ATRNL1: variants seen among roughly 807,000 people sequenced by gnomAD.
ATRNL1 encodes the protein attractin-like protein 1.
Under a neutral mutation model 182.7 loss-of-function variants are expected in ATRNL1, and 95 were observed. The ratio of observed to expected loss-of-function variants is 0.52; its 90% CI spans 0.44 to 0.62. The LOEUF (loss-of-function observed/expected upper bound fraction) is 0.62, where lower values mean the gene tolerates loss of function less well. ATRNL1 is among the 20% of genes least tolerant of loss of function. The pLI, the probability that ATRNL1 is intolerant of heterozygous loss-of-function variation, is 0.00. For synonymous variants in ATRNL1, 576 were observed against 568.3 expected, an observed-to-expected ratio of 1.01 and a Z score of -0.19; for missense variants, 1,471 against 1,679.5, an observed-to-expected ratio of 0.88 and a Z score of 2.17.
chr10:115,423,574 T>TA (rs1845742957), intron 20 of ATRNL1, among the ~76,000 whole-genome samples: 1 of 151,966 alleles, frequency 6.6e-6, no homozygotes, highest in South Asian at 2.1e-4. Context: ...GTTAAAAATT[T>TA]AAAAAGACAC....
chr10:115,738,171 C>T (rs7923360), intron 27 of ATRNL1, among the ~76,000 whole-genome samples: 36,639 of 90,518 alleles, frequency 0.4, 7,539 homozygotes, highest in East Asian at 0.68. Context: ...TGGAGTCCTG[C>T]TCTGTCGCCC....
chr10:115,189,232 A>G (rs1554889367), intron 8 of ATRNL1, among the ~76,000 whole-genome samples: 1 of 152,190 alleles, frequency 6.6e-6, no homozygotes, highest in East Asian at 1.9e-4. Flanking sequence ...AGTATGGCAC[A>G]TACAATTATA....
chr10:115,895,152 A>G (rs1234714097), intron 28 of ATRNL1, among the ~76,000 whole-genome samples: 1 of 152,212 alleles, frequency 6.6e-6, no homozygotes, highest in Non-Finnish European at 1.5e-5. Flanking sequence ...GACCATTTCT[A>G]AAAGTAAAAA....
intron 18 of ATRNL1, among the ~76,000 whole-genome samples, chr10:115,323,065 TTTTA>T (rs1554931995): frequency 6.6e-6 from 1 of 152,068 alleles, no homozygotes; most frequent in Non-Finnish European, 1.5e-5. Flanking sequence ...TTCAAATAAT[TTTTA>T]TTTTCTTTTC....
intron 27 of ATRNL1, among the ~76,000 whole-genome samples, chr10:115,759,961 C>T (rs1271138279): frequency 1.3e-5 from 2 of 149,450 alleles, no homozygotes; most frequent in African/African-American, 2.5e-5. Flanking sequence ...CAAAGTGCTG[C>T]GATTACAAGC....
chr10:115,893,553 C>A (rs1952132658), intron 28 of ATRNL1, among the ~76,000 whole-genome samples: 1 of 152,122 alleles, frequency 6.6e-6, no homozygotes, highest in South Asian at 2.1e-4. Context: ...TTCTTTATAT[C>A]TTGCCTTCTT....
intron 28 of ATRNL1, among the ~76,000 whole-genome samples, chr10:115,870,446 A>T (rs1951553580): frequency 6.6e-6 from 1 of 152,218 alleles, no homozygotes; most frequent in South Asian, 2.1e-4. Context: ...ATATGTAGCT[A>T]GTGCTTTTGG....
intron 20 of ATRNL1, among the ~76,000 whole-genome samples, chr10:115,425,520 C>T (rs1035714210): frequency 5.3e-5 from 8 of 151,888 alleles, no homozygotes; most frequent in Admixed American, 5.2e-4. Context: ...GTTTTGTGAA[C>T]TTGAAAAATT....
chr10:115,917,017 G>T (rs1952877283), intron 28 of ATRNL1, among the ~76,000 whole-genome samples: 1 of 152,176 alleles, frequency 6.6e-6, no homozygotes, highest in Non-Finnish European at 1.5e-5. Context: ...GAAGAGAGCT[G>T]CTATATACAG....
At chr10:115,480,940 T>C (rs1183126643) in intron 24 of ATRNL1, among the ~76,000 whole-genome samples, 1 of 151,046 alleles carries the variant, frequency 6.6e-6, no homozygotes, top group East Asian at 1.9e-4. Flanking sequence ...AGAAAATTTC[T>C]TATGACAAAC....
Position 115,160,105 on chromosome 10 carries a change from T to A in ATRNL1, c.895T>A (p.Phe299Ile), listed in dbSNP as rs945151906. The A allele has an allele frequency of 6.2e-7, 1 of 1,612,742 alleles. No homozygotes were observed. The highest frequency in any genetic ancestry group is 2.2e-5 in the East Asian group (1 of 44,810). ...SYWILPNVKP[F>I]SPSVGRASHK... ...CTGGATTCTGCCAAACGTTAAACCC[T>A]TCAGTCCTTCTGTAGGTCGGGCTTC... is the stretch of plus-strand genomic sequence containing the variant. Residue 299 changes from phenylalanine (F) to isoleucine (I), a missense_variant, in exon 6 of 29, where the codon TTC becomes ATC. Transcript: ENST00000355044.
chr10:115,469,125 A>C, intron 23 of ATRNL1, 47 bp from the exon 24 acceptor site: 2 of 740,212 alleles, frequency 2.7e-6, no homozygotes, highest in Non-Finnish European at 3.8e-6. Context: ...TTTTAAATTC[A>C]TAAAGATATT....
intron 20 of ATRNL1, among the ~76,000 whole-genome samples, chr10:115,419,278 A>C (rs782265193): frequency 6.6e-6 from 1 of 152,194 alleles, no homozygotes; most frequent in Non-Finnish European, 1.5e-5. Flanking sequence ...GCTAAAAGCT[A>C]TAATAGATAA....
intron 20 of ATRNL1, among the ~76,000 whole-genome samples, chr10:115,407,981 A>ATT (rs1844918591): frequency 1.2e-5 from 1 of 84,480 alleles, no homozygotes. Flanking sequence ...TTTGATTTGC[A>ATT]TTTCTTTTTT....
intron 25 of ATRNL1, among the ~76,000 whole-genome samples, chr10:115,529,144 G>T (rs1441664166): frequency 1.3e-5 from 2 of 151,706 alleles, no homozygotes; most frequent in Admixed American, 1.3e-4. Flanking sequence ...TTATTGCATT[G>T]CTCTAGACCT....
At chr10:115,528,034 CT>C (rs1554987161) in intron 25 of ATRNL1, among the ~76,000 whole-genome samples, 3 of 53,076 alleles carry the variant, frequency 5.7e-5, no homozygotes, top group Admixed American at 2.3e-4. Context: ...TCCCTCCTTC[CT>C]TTCTTCCTTC....
intron 21 of ATRNL1, among the ~76,000 whole-genome samples, chr10:115,458,053 G>A (rs1318351331): frequency 3.3e-5 from 5 of 152,048 alleles, no homozygotes; most frequent in African/African-American, 9.7e-5. Context: ...TACCATAATA[G>A]AGTAGTTCAT....
intron 10 of ATRNL1, among the ~76,000 whole-genome samples, chr10:115,258,670 T>G (rs1168970069): frequency 1.3e-5 from 2 of 152,180 alleles, no homozygotes; most frequent in African/African-American, 4.8e-5. Flanking sequence ...GGTGAGGAGC[T>G]GTGATCCTTT....
At chr10:115,260,318 A>C (rs182645398) in intron 10 of ATRNL1, among the ~76,000 whole-genome samples, 1 of 152,212 alleles carries the variant, frequency 6.6e-6, no homozygotes, top group Admixed American at 6.5e-5. Flanking sequence ...TTATCCACTT[A>C]GGGTCTTCCT....
Sources: gnomAD v4.1 joint callset for allele counts (sites outside exome capture counted in the v4.1 genomes callset) on GRCh38, gnomAD v4.1.1 for gene constraint, MANE v1.5 for transcripts, NCBI Gene and HGNC (gene_info 2026-07-23, HGNC 2026-07-21) for gene names.